Variants in CCDC40 observed in about 807,000 individuals in gnomAD.
CCDC40 encodes the protein coiled-coil domain 40 molecular ruler complex subunit, also known as coiled-coil domain-containing protein 40.
CCDC40 carries 104 observed loss-of-function variants against 124.5 expected under a neutral mutation model. That is an observed-to-expected ratio of 0.84 (90% CI 0.71 to 0.98). The LOEUF (loss-of-function observed/expected upper bound fraction) is 0.98, where lower values mean the gene tolerates loss of function less well. CCDC40 is among the 50% of genes least tolerant of loss of function. The pLI, the probability that CCDC40 is intolerant of heterozygous loss-of-function variation, is 0.00. For synonymous variants in CCDC40, 580 were observed against 602.9 expected (o/e 0.96, Z 0.56); for missense variants, 1,463 against 1,503.9 (o/e 0.97, Z 0.45).
At chr17:80,039,380 AAAAG>A (rs1437037265) in intron 2 of CCDC40, among the ~76,000 whole-genome samples, 3 of 151,856 alleles carry the variant, frequency 2.0e-5, no homozygotes, top group Admixed American at 1.3e-4. Context: ...AAAAAATAAA[AAAAG>A]AAAGAACAGA....
At chr17:80,065,996 C>T in intron 10 of CCDC40, 1 of 661,512 alleles carries the variant, frequency 1.5e-6, no homozygotes, top group Non-Finnish European at 2.7e-6. Flanking sequence ...CAACCGAAAT[C>T]CTATTTTAAT....
chr17:80,079,516 T>A (rs2038397166), intron 10 of CCDC40, among the ~76,000 whole-genome samples: 1 of 152,200 alleles, frequency 6.6e-6, no homozygotes, highest in African/African-American at 2.4e-5. Flanking sequence ...TTCTAAATGA[T>A]GCCTGTGCCA....
intron 10 of CCDC40, chr17:80,067,807 CCT>C (rs2038086837): frequency 1.4e-6 from 2 of 1,445,762 alleles, no homozygotes; most frequent in Non-Finnish European, 1.8e-6. Context: ...TTCAAAGTCC[CCT>C]GACAGCTCAG....
Position 80,085,008 on chromosome 17 carries a change from G to A in CCDC40, c.2235+20G>A, listed in dbSNP as rs1235844382. On this transcript the variant is annotated intron_variant, in intron 13 of 19. Transcript: ENST00000397545. The stretch of plus-strand genomic sequence containing the variant: ...CTGGGGGTGAGGTCCCAGGCAGGGA[G>A]ACGTGGTCCCCGGCTGACTGTGGTG... 1.2e-6 allele frequency: 2 copies of A among 1,612,504 alleles called. No individual in the cohort carries two copies. Among genetic ancestry groups the A allele is most frequent in the South Asian group, 2.2e-5 (2 of 90,888 alleles).
intron 13 of CCDC40, among the ~76,000 whole-genome samples, chr17:80,085,402 AT>A (rs1446042299): frequency 1.3e-5 from 2 of 152,218 alleles, no homozygotes; most frequent in Non-Finnish European, 2.9e-5. Flanking sequence ...GCCTGATGCC[AT>A]ATACGTCATC....
At chr17:80,072,841 T>C (rs1316153666) in intron 10 of CCDC40, among the ~76,000 whole-genome samples, 1 of 152,178 alleles carries the variant, frequency 6.6e-6, no homozygotes, top group Non-Finnish European at 1.5e-5. Context: ...ACATTTGGCT[T>C]TTACCTTTGG....
chr17:80,079,092 C>A (rs1311466969), intron 10 of CCDC40, among the ~76,000 whole-genome samples: 1 of 152,066 alleles, frequency 6.6e-6, no homozygotes, highest in African/African-American at 2.4e-5. Context: ...CACCACCACG[C>A]CCGGCTAATT....
At position 80,066,637 on chromosome 17, in the gene CCDC40, C is replaced by A. The variant is rs540269907; in HGVS notation, c.1562+1031C>A. The A allele has an allele frequency of 2.3e-4, 38 of 163,564 alleles. 1 individual carries two copies. In the South Asian group the frequency reaches 6.1e-3, roughly 26 times the overall value. The allele number at this position is 163,564 out of a possible 1,614,324, so 10.1% of individuals were successfully genotyped here. A position where few individuals can be genotyped will look rare whatever the true frequency, so the allele number is the denominator to read the frequency against. ...CAGGCATGGTGTGGGCGCCTGTAAT[C>A]CCCGCTACTCGGGAGGGTGAGACAG... is the stretch of plus-strand genomic sequence containing the variant. On this transcript the variant is annotated intron_variant, in intron 10 of 19. Coordinates refer to ENST00000397545, the MANE Select transcript of CCDC40 (RefSeq NM_017950.4). The surrounding 1 kb of genome is among the most constrained non-coding windows in gnomAD (Gnocchi z 4.4).
intron 7 of CCDC40, among the ~76,000 whole-genome samples, chr17:80,055,085 G>T (rs991857637): frequency 6.6e-6 from 1 of 152,056 alleles, no homozygotes; most frequent in Non-Finnish European, 1.5e-5. Context: ...CCATCCCAAA[G>T]TAGGATAGAA....
At chr17:80,039,161 A>G (rs6565636) in intron 2 of CCDC40, among the ~76,000 whole-genome samples, 150,097 of 152,242 alleles carry the variant, frequency 0.99, 74,030 homozygotes, top group Middle Eastern at 1. Flanking sequence ...GAGGCCAGGA[A>G]TTCAAGACCA....
intron 9 of CCDC40, 31 bp from the exon 10 acceptor site, chr17:80,065,454 C>G (rs780355076): frequency 6.8e-6 from 11 of 1,612,636 alleles, no homozygotes; most frequent in Non-Finnish European, 9.3e-6. Flanking sequence ...AATGAGACAG[C>G]CATTCCTGCC....
intron 10 of CCDC40, among the ~76,000 whole-genome samples, chr17:80,071,928 C>T (rs2038199848): frequency 6.6e-6 from 1 of 151,058 alleles, no homozygotes; most frequent in South Asian, 2.1e-4. Flanking sequence ...CCTCCACCTC[C>T]TGGGTTCAAG....
At chr17:80,051,607 C>T (rs887451223) in intron 7 of CCDC40, among the ~76,000 whole-genome samples, 5 of 117,576 alleles carry the variant, frequency 4.3e-5, no homozygotes, top group East Asian at 5.1e-4. Flanking sequence ...CCAGCCTGGG[C>T]GACAGAGCGA....
At chr17:80,050,352 C>A in intron 7 of CCDC40, 69 bp downstream of exon 7, 2 of 1,238,498 alleles carry the variant, frequency 1.6e-6, no homozygotes, top group South Asian at 1.3e-5. Context: ...CTCCATGTAC[C>A]ATGGCCAGGC....
chr17:80,056,006 A>ATTTT (rs1323101032), intron 7 of CCDC40, among the ~76,000 whole-genome samples: 20 of 9,138 alleles, frequency 2.2e-3, no homozygotes, highest in Admixed American at 6.3e-3. Flanking sequence ...ATATATATAT[A>ATTTT]TATATATATA....
intron 17 of CCDC40, among the ~76,000 whole-genome samples, chr17:80,094,828 C>T (rs910502705): frequency 7.9e-5 from 12 of 152,200 alleles, no homozygotes; most frequent in South Asian, 2.1e-4. Context: ...CCAATCCTCA[C>T]GCTACAACCC....
chr17:80,049,473 C>T (rs1473019733), intron 5 of CCDC40, among the ~76,000 whole-genome samples: 3 of 151,478 alleles, frequency 2.0e-5, no homozygotes, highest in Middle Eastern at 3.2e-3. Flanking sequence ...GGCCCATCTT[C>T]GCAGCCACTG....
rs942272529 is a variant in CCDC40, at chr17:80,100,376, C to A, written c.*601C>A. 6.1e-6 allele frequency: 1 copy of A among 163,272 alleles called. No homozygotes were observed. Among genetic ancestry groups the A allele is most frequent in the Admixed American group, 5.7e-5 (1 of 17,552 alleles). 10.1% of individuals were successfully genotyped at this position (163,272 alleles called of 1,614,324 possible). ...GAGAAAGTCAGTGGCCCCAGACACA[C>A]GTAACAGGGTGAGCACTGAAATAAG... On this transcript the variant is annotated 3_prime_UTR_variant, in exon 20 of 20. Coordinates refer to ENST00000397545, the MANE Select transcript of CCDC40 (RefSeq NM_017950.4).
intron 17 of CCDC40, among the ~76,000 whole-genome samples, chr17:80,094,700 T>G (rs1041886633): frequency 1.3e-5 from 2 of 151,954 alleles, no homozygotes; most frequent in East Asian, 1.9e-4. Context: ...TCTCAAAAAA[T>G]TTTTAAAAAA....
Sources: allele counts gnomAD v4.1 joint callset (sites outside exome capture counted in the v4.1 genomes callset), GRCh38; gene constraint gnomAD v4.1.1; non-coding constraint Gnocchi (gnomAD v3.1); transcripts MANE v1.5; gene names NCBI Gene and HGNC (gene_info 2026-07-23, HGNC 2026-07-21).